KHDRBS1: variants seen among roughly 807,000 people sequenced by gnomAD.
KHDRBS1 encodes the protein KH RNA binding domain containing, signal transduction associated 1.
In KHDRBS1, 7 loss-of-function variants were observed where a neutral mutation model predicts 48.4. The ratio of observed to expected loss-of-function variants is 0.14; its 90% confidence interval spans 0.08 to 0.27. The LOEUF is 0.27. KHDRBS1 is among the 10% of genes least tolerant of loss of function. The pLI is 1.00. For missense variants in KHDRBS1, 458 were observed against 601.2 expected (o/e 0.76, Z 2.49); for synonymous variants, 241 against 235.8 (o/e 1.02, Z -0.20).
In KHDRBS1 at chr1:32,038,459, C is replaced by G. The variant is rs905609897; in HGVS notation, c.1108-93C>G. 9.8e-6 allele frequency: 12 copies of G among 1,224,346 alleles called. No individual in the cohort carries two copies. In the African/African-American group the frequency reaches 1.7e-4, roughly 17 times the overall value. The allele number at this position is 1,224,346 out of a possible 1,614,324, so 75.8% of individuals were successfully genotyped here. ...AGGGAAATGTCATGTCCTTTTAATT[C>G]AGAAGCCTACTTACTCCCATGGGAT... On this transcript the variant is annotated intron_variant, in intron 6 of 8. Transcript: ENST00000327300.
exon 11 of KHDRBS1, chr1:32,060,663 A>G (rs1035770972): frequency 6.6e-6 from 1 of 152,210 alleles, no homozygotes; most frequent in African/African-American, 2.4e-5. Context: ...AGGAAAGCCA[A>G]GTGAGAAGAT....
intron 4 of KHDRBS1, among the ~76,000 whole-genome samples, chr1:32,035,423 C>T (rs755640631): frequency 5.3e-5 from 8 of 152,024 alleles, no homozygotes; most frequent in Non-Finnish European, 8.8e-5. Flanking sequence ...AAGCTGTATA[C>T]GCCTGGGATA....
At chr1:32,045,375 T>C (rs1037901950), downstream of KHDRBS1, 1 of 152,662 alleles carries the variant, frequency 6.6e-6, no homozygotes, top group East Asian at 1.9e-4. Flanking sequence ...GAATGGGTAG[T>C]GAAGACCCAT....
intron 10 of KHDRBS1, among the ~76,000 whole-genome samples, chr1:32,056,677 G>A (rs999327796): frequency 3.9e-5 from 6 of 152,172 alleles, no homozygotes; most frequent in Non-Finnish European, 8.8e-5. Context: ...TCAGGTCTCA[G>A]GCTCTCTGGG....
At chr1:32,058,116 C>CA (rs201930047) in intron 10 of KHDRBS1, among the ~76,000 whole-genome samples, 13,918 of 132,182 alleles carry the variant, frequency 0.11, 876 homozygotes, top group East Asian at 0.35. Context: ...GAAACTGTCT[C>CA]AAAAAAAAAA....
At chr1:32,058,370 G>A (rs910829049) in intron 10 of KHDRBS1, among the ~76,000 whole-genome samples, 1 of 152,244 alleles carries the variant, frequency 6.6e-6, no homozygotes, top group South Asian at 2.1e-4. Flanking sequence ...AAAGTGCTAC[G>A]ATTACAGGTG....
chr1:32,030,419 C>A lies in KHDRBS1; in HGVS notation c.504C>A (p.Pro168=), dbSNP rs1445563363. 6.3e-7 allele frequency: 1 copy of A among 1,597,206 alleles called. No homozygotes were observed. ...ERVLIPVKQY[P]KFNFVGKILG... is the part of the protein sequence containing the mutation. ...TGCTGATACCTGTCAAGCAGTATCCCAAGGTAAGGCAAAAAGTGCTTTGGA... is the reference window on the plus strand; with the variant it reads ...TGCTGATACCTGTCAAGCAGTATCCAAAGGTAAGGCAAAAAGTGCTTTGGA... Residue 168 remains proline, a synonymous_variant, in exon 2 of 9, where the codon CCC becomes CCA. Transcript: ENST00000327300.
intron 4 of KHDRBS1, 135 bp from the exon 5 acceptor site, chr1:32,036,775 C>A: frequency 1.2e-6 from 1 of 863,944 alleles, no homozygotes; most frequent in Non-Finnish European, 1.7e-6. Flanking sequence ...CATTTGACTT[C>A]AGAGAAGGAA....
chr1:32,045,370 G>A (rs1271815211), downstream of KHDRBS1: 1 of 152,610 alleles, frequency 6.6e-6, no homozygotes, highest in Non-Finnish European at 1.5e-5. Flanking sequence ...GACTAGAATG[G>A]GTAGTGAAGA....
intron 10 of KHDRBS1, among the ~76,000 whole-genome samples, chr1:32,057,732 G>A (rs554005834): frequency 2.9e-4 from 44 of 151,436 alleles, no homozygotes; most frequent in Non-Finnish European, 5.2e-4. Context: ...CCGGGAGGCA[G>A]AGCTTGCAGT....
chr1:32,029,774 A>G (rs1454078897), intron 1 of KHDRBS1, among the ~76,000 whole-genome samples: 1 of 152,260 alleles, frequency 6.6e-6, no homozygotes, highest in Non-Finnish European at 1.5e-5. Flanking sequence ...TTAATTAGGC[A>G]TATCTACGTA....
At chr1:32,048,350 T>G (rs1285414480), downstream of KHDRBS1, among the ~76,000 whole-genome samples, 1 of 152,048 alleles carries the variant, frequency 6.6e-6, no homozygotes. Flanking sequence ...CTACAAAAAG[T>G]TAGCTGGGCA....
At chr1:32,056,072 G>A (rs1307040973) in intron 10 of KHDRBS1, among the ~76,000 whole-genome samples, 1 of 152,140 alleles carries the variant, frequency 6.6e-6, no homozygotes, top group Non-Finnish European at 1.5e-5. Flanking sequence ...TAGCCGTGCT[G>A]CTAAGGTTTA....
At chr1:32,048,523 A>G (rs1473078915), downstream of KHDRBS1, among the ~76,000 whole-genome samples, 2 of 152,220 alleles carry the variant, frequency 1.3e-5, no homozygotes, top group African/African-American at 2.4e-5. Flanking sequence ...TCCCAATAAA[A>G]TACATTTGCT....
chr1:32,026,409 C>T (rs1387047677), intron 1 of KHDRBS1, among the ~76,000 whole-genome samples: 3 of 152,202 alleles, frequency 2.0e-5, no homozygotes, highest in African/African-American at 7.2e-5. Flanking sequence ...CCTTCTGCCT[C>T]AGCTTCCCCA....
downstream of KHDRBS1, among the ~76,000 whole-genome samples, chr1:32,044,601 A>AT (rs1016239545): frequency 1.9e-4 from 29 of 150,414 alleles, no homozygotes; most frequent in Admixed American, 6.0e-4. Context: ...CATGATGGAC[A>AT]TTTTTTTTTT....
exon 11 of KHDRBS1, chr1:32,060,255 G>A (rs1040175240): frequency 1.3e-5 from 2 of 152,242 alleles, no homozygotes; most frequent in African/African-American, 4.8e-5. Flanking sequence ...CAGGAGAGGA[G>A]ATCAGCAGTT....
rs1011596336 is a variant in KHDRBS1, at chr1:32,034,031, G to A, written c.771+697G>A. 2.0e-5 allele frequency among the ~76,000 whole-genome samples: 3 copies of A among 152,148 alleles called. No homozygotes were observed. The East Asian group carries it at 5.8e-4, about 29-fold the overall frequency. On this transcript the variant is annotated intron_variant, in intron 4 of 8. Coordinates refer to ENST00000327300, the MANE Select transcript of KHDRBS1 (RefSeq NM_006559.3). Reference sequence around the variant, plus strand: ...GAAATGGTACTATTTTTGCCTTTTAGCAAGGCCTGGTGGTTGTCAGAGTTA... The same window carrying A: ...GAAATGGTACTATTTTTGCCTTTTAACAAGGCCTGGTGGTTGTCAGAGTTA...
downstream of KHDRBS1, among the ~76,000 whole-genome samples, chr1:32,044,851 T>C (rs1234316519): frequency 6.6e-6 from 1 of 152,228 alleles, no homozygotes; most frequent in Non-Finnish European, 1.5e-5. Context: ...TAATAGCACA[T>C]ATTTCTCTTT....
Sources: gnomAD v4.1 joint callset for allele counts (sites outside exome capture counted in the v4.1 genomes callset) on GRCh38, gnomAD v4.1.1 for gene constraint, MANE v1.5 for transcripts, NCBI Gene and HGNC (gene_info 2026-07-23, HGNC 2026-07-21) for gene names.